Variants in NXN observed in about 807,000 individuals in gnomAD.
NXN encodes nucleoredoxin 1.
Under a neutral mutation model 48.6 loss-of-function variants are expected in NXN, and 16 were observed. The observed-to-expected ratio is 0.33, with a 90% CI of 0.22 to 0.50. NXN has a LOEUF of 0.50. Among genes scored for constraint, NXN ranks in the 20% least tolerant of loss-of-function variants. NXN has a pLI of 0.98. For missense variants in NXN, 492 were observed against 605.5 expected, an observed-to-expected ratio of 0.81 and a Z score of 1.97; for synonymous variants, 281 against 269.6, an observed-to-expected ratio of 1.04 and a Z score of -0.41.
rs34452171 is a variant in NXN at position 972,524 on chromosome 17, G to A, written c.360+6795C>T. 4.2e-3 allele frequency among the ~76,000 whole-genome samples: 641 copies of A among 152,146 alleles called. 2 individuals carry two copies. Among genetic ancestry groups the A allele is most frequent in the Non-Finnish European group, 6.4e-3 (438 of 67,994 alleles). On this transcript the variant is annotated intron_variant, in intron 1 of 7. Coordinates refer to ENST00000336868, the MANE Select transcript of NXN (RefSeq NM_022463.5). ...AGAAAACACATCCTATGCCAAGCCT[G>A]TGCTCTCCTGGCCAAAATGAAATCA...
intron 1 of NXN, among the ~76,000 whole-genome samples, chr17:936,032 C>T (rs12938378): frequency 0.28 from 40,386 of 146,224 alleles, 5,839 homozygotes; most frequent in South Asian, 0.37. Context: ...GTGGAGGTTG[C>T]GGCGAGCCAA....
At chr17:968,308 C>G (rs866349094) in intron 1 of NXN, among the ~76,000 whole-genome samples, 2 of 152,332 alleles carry the variant, frequency 1.3e-5, no homozygotes, top group Middle Eastern at 3.4e-3. Context: ...AGACCAGTAT[C>G]TCCCCCTGGC....
At chr17:829,479 G>A (rs1487796299) in intron 1 of NXN, among the ~76,000 whole-genome samples, 8 of 139,782 alleles carry the variant, frequency 5.7e-5, no homozygotes, top group Non-Finnish European at 1.2e-4. Context: ...TTTTTTTAAA[G>A]TTCTGGGATA....
chr17:915,953 T>C lies in NXN; in HGVS notation c.360+63366A>G, dbSNP rs542620850. Reference sequence around the variant, plus strand: ...GTTTTGGTCTCCAAGCAATCGGTTCTGTGTTTTTGTTTGTAGGCTCAATTT... The same window carrying C: ...GTTTTGGTCTCCAAGCAATCGGTTCCGTGTTTTTGTTTGTAGGCTCAATTT... On this transcript the variant is annotated intron_variant, in intron 1 of 7. Transcript: ENST00000336868. Among the ~76,000 whole-genome samples the C allele has an allele frequency of 3.3e-5, 5 of 152,386 alleles. No homozygotes were observed. The South Asian group carries it at 1.0e-3, about 32-fold the overall frequency.
intron 1 of NXN, among the ~76,000 whole-genome samples, chr17:913,317 C>T (rs2068654877): frequency 6.6e-6 from 1 of 152,152 alleles, no homozygotes; most frequent in Non-Finnish European, 1.5e-5. Context: ...ACAGAGCACC[C>T]CCACAGCCCA....
intron 1 of NXN, among the ~76,000 whole-genome samples, chr17:959,781 C>T (rs1023261055): frequency 4.0e-4 from 45 of 113,794 alleles, no homozygotes; most frequent in African/African-American, 1.1e-3. Flanking sequence ...GGAACAAGAG[C>T]GAGACTCTGT....
In NXN at chr17:956,653, G is replaced by A. The variant is rs1309169551; in HGVS notation, c.360+22666C>T. 1.3e-5 allele frequency among the ~76,000 whole-genome samples: 2 copies of A among 152,144 alleles called. No individual in the cohort carries two copies. The highest frequency in any genetic ancestry group is 2.9e-5 in the Non-Finnish European group (2 of 68,030). On this transcript the variant is annotated intron_variant, in intron 1 of 7. Coordinates refer to ENST00000336868, the MANE Select transcript of NXN (RefSeq NM_022463.5). This position sits in a 1 kb window ranked among gnomAD's most constrained non-coding sequence, Gnocchi z 4.1. Reference sequence around the variant, plus strand: ...TGGTCTCGATCTCCAGACCTCAGGTGATCCGTCCACCTCAGCCTCCCAAAG... The same window carrying A: ...TGGTCTCGATCTCCAGACCTCAGGTAATCCGTCCACCTCAGCCTCCCAAAG...
chr17:897,827 C>T (rs980624141), intron 1 of NXN, among the ~76,000 whole-genome samples: 8 of 152,208 alleles, frequency 5.3e-5, no homozygotes, highest in Non-Finnish European at 8.8e-5. Context: ...AGGTGCCCGC[C>T]ACCACGCATG....
At chr17:912,680 CACCT>C (rs2068647711) in intron 1 of NXN, among the ~76,000 whole-genome samples, 1 of 152,164 alleles carries the variant, frequency 6.6e-6, no homozygotes, top group African/African-American at 2.4e-5. Context: ...CAGTGGCTCA[CACCT>C]GTAATCCCAG....
chr17:818,660 C>A (rs1311025477), intron 5 of NXN, among the ~76,000 whole-genome samples: 1 of 152,110 alleles, frequency 6.6e-6, no homozygotes, highest in Non-Finnish European at 1.5e-5. Flanking sequence ...TCGAGGCGGG[C>A]AGATCACGAG....
rs1223072609 is a variant in NXN, at chr17:889,723, GAA to G, written c.361-63647_361-63646del. 3.0e-3 allele frequency among the ~76,000 whole-genome samples: 182 copies of G among 61,396 alleles called. 1 individual carries two copies. Among genetic ancestry groups the G allele is most frequent in the African/African-American group, 0.01 (116 of 11,430 alleles). The allele number at this position is 61,396 out of a possible 152,430, so 40.3% of individuals were successfully genotyped here. A position where few individuals can be genotyped will look rare whatever the true frequency, so the allele number is the denominator to read the frequency against. Reference sequence around the variant, plus strand: ...AAAAAGAAAGAAAGAAAGAAAGAAAGAAAGAAAGAAAGAAAGAAAGAAAGAAA... The same window carrying G: ...AAAAAGAAAGAAAGAAAGAAAGAAAGAGAAAGAAAGAAAGAAAGAAAGAAA... On this transcript the variant is annotated intron_variant, in intron 1 of 7. Transcript: ENST00000336868.
At chr17:939,986 T>A (rs1433076336) in intron 1 of NXN, among the ~76,000 whole-genome samples, 2 of 151,176 alleles carry the variant, frequency 1.3e-5, no homozygotes, top group East Asian at 3.9e-4. Context: ...CAGGCTGGAG[T>A]GCAGTGGTGT....
chr17:933,061 G>A lies in NXN; in HGVS notation c.360+46258C>T, dbSNP rs147836116. On this transcript the variant is annotated intron_variant, in intron 1 of 7. Transcript: ENST00000336868. ...GCTCCCAAGTGGGCGAAAAAGTCCCGAGAGGTTCCAGAAGGCAAGATCATT... is the reference window on the plus strand; with the variant it reads ...GCTCCCAAGTGGGCGAAAAAGTCCCAAGAGGTTCCAGAAGGCAAGATCATT... Among the ~76,000 whole-genome samples the A allele has an allele frequency of 5.9e-5, 9 of 152,236 alleles. No homozygotes were observed. The East Asian group carries it at 1.5e-3, about 26-fold the overall frequency.
chr17:951,175 TAAAAAAAAA>T (rs59266525), intron 1 of NXN, among the ~76,000 whole-genome samples: 1 of 56,772 alleles, frequency 1.8e-5, no homozygotes, highest in Non-Finnish European at 3.7e-5. Flanking sequence ...TGTCTCTACT[TAAAAAAAAA>T]AAAAAAAAAA....
At chr17:948,700 C>T (rs2069073708) in intron 1 of NXN, among the ~76,000 whole-genome samples, 1 of 151,846 alleles carries the variant, frequency 6.6e-6, no homozygotes, top group Admixed American at 6.6e-5. Context: ...CAACGCGGGG[C>T]CTCACCCCGG....
intron 1 of NXN, among the ~76,000 whole-genome samples, chr17:853,778 A>T (rs975790938): frequency 8.4e-5 from 12 of 143,224 alleles, no homozygotes; most frequent in Non-Finnish European, 1.0e-4. Flanking sequence ...GCTGGAGTGC[A>T]GTGGTGCGAT....
intron 1 of NXN, among the ~76,000 whole-genome samples, chr17:901,566 C>A (rs1302819652): frequency 6.6e-6 from 1 of 152,180 alleles, no homozygotes; most frequent in Non-Finnish European, 1.5e-5. Flanking sequence ...GACACCAGGA[C>A]ACCTCCCCCG....
intron 1 of NXN, among the ~76,000 whole-genome samples, chr17:937,596 C>G (rs887267261): frequency 8.5e-5 from 13 of 152,158 alleles, no homozygotes; most frequent in Non-Finnish European, 1.6e-4. Flanking sequence ...GAACACACCC[C>G]CAAAGTTCCT....
rs72810282 is a variant in NXN at position 813,415 on chromosome 17, G to A, written c.820+6024C>T. 4.6e-3 allele frequency among the ~76,000 whole-genome samples: 706 copies of A among 152,350 alleles called. 7 individuals are homozygous for A. Among genetic ancestry groups the A allele is most frequent in the Middle Eastern group, 0.01 (3 of 294 alleles). On this transcript the variant is annotated intron_variant, in intron 5 of 7. Transcript: ENST00000336868. The stretch of plus-strand genomic sequence containing the variant: ...CCCCGGCTTGGAGGACAAGGACAGG[G>A]CACCACAAATAGGGCCATCGACGCG...
Sources: gnomAD v4.1 joint callset for allele counts (sites outside exome capture counted in the v4.1 genomes callset) on GRCh38, gnomAD v4.1.1 for gene constraint, Gnocchi (gnomAD v3.1) non-coding constraint, MANE v1.5 for transcripts, NCBI Gene and HGNC (gene_info 2026-07-23, HGNC 2026-07-21) for gene names.